ERICH6B: variants seen among roughly 807,000 people sequenced by gnomAD.
ERICH6B encodes the protein glutamate rich 6B, also known as glutamate-rich protein 6B.
ERICH6B carries 69 observed loss-of-function variants against 80.0 expected under a neutral mutation model. That is an observed-to-expected ratio of 0.86 (90% confidence interval 0.71 to 1.05). ERICH6B has a LOEUF of 1.05. ERICH6B is among the 50% of genes least tolerant of loss of function. The pLI is 0.00. For missense variants in ERICH6B, 754 were observed against 796.1 expected (o/e 0.95, Z 0.64); for synonymous variants, 283 against 291.9 (o/e 0.97, Z 0.31).
intron 2 of ERICH6B, among the ~76,000 whole-genome samples, chr13:45,601,785 G>A (rs1232670044): frequency 6.6e-6 from 1 of 152,144 alleles, no homozygotes; most frequent in African/African-American, 2.4e-5. Flanking sequence ...AAGCCTACAG[G>A]TGGAATAAAT....
intron 5 of ERICH6B, among the ~76,000 whole-genome samples, chr13:45,582,765 A>G (rs1269971434): frequency 6.6e-6 from 1 of 152,118 alleles, no homozygotes; most frequent in African/African-American, 2.4e-5. Context: ...ATATATCTCT[A>G]TCTTGTCCAG....
rs188392464 is a variant in ERICH6B at position 45,608,511 on chromosome 13, G to A, written c.-110-896C>T. 3.2e-4 allele frequency among the ~76,000 whole-genome samples: 48 copies of A among 152,298 alleles called. No homozygotes were observed. The East Asian group carries it at 4.4e-3, about 14-fold the overall frequency. ...CAAGATCCCTAAGCCACTGCCTTGAGAGAGAAATACTTTTGAACTGAGTCC... is the reference window on the plus strand; with the variant it reads ...CAAGATCCCTAAGCCACTGCCTTGAAAGAGAAATACTTTTGAACTGAGTCC... On this transcript the variant is annotated intron_variant, in intron 1 of 14. Coordinates refer to ENST00000298738, the MANE Select transcript of ERICH6B (RefSeq NM_182542.3).
At chr13:45,597,156 G>A (rs1326915648) in intron 2 of ERICH6B, 93 bp from the exon 3 acceptor site, 2 of 868,420 alleles carry the variant, frequency 2.3e-6, no homozygotes, top group African/African-American at 1.7e-5. Flanking sequence ...TCATTCAGTA[G>A]TCTTTGGAGG....
intron 14 of ERICH6B, among the ~76,000 whole-genome samples, chr13:45,544,338 G>C (rs1034469267): frequency 2.6e-5 from 4 of 152,162 alleles, no homozygotes; most frequent in Admixed American, 1.3e-4. Context: ...GCCCCTCAAA[G>C]TGCTGGGATT....
At chr13:45,608,938 C>A (rs1277478743) in intron 1 of ERICH6B, among the ~76,000 whole-genome samples, 2 of 152,148 alleles carry the variant, frequency 1.3e-5, no homozygotes, top group African/African-American at 2.4e-5. Flanking sequence ...CTTGGAGTCA[C>A]CCATGATTCC....
At chr13:45,610,091 G>A (rs984100955) in intron 1 of ERICH6B, among the ~76,000 whole-genome samples, 1 of 152,172 alleles carries the variant, frequency 6.6e-6, no homozygotes, top group Non-Finnish European at 1.5e-5. Context: ...CTGCTAAGGC[G>A]TAGACATAAA....
At chr13:45,577,684 G>A (rs1034996713) in intron 7 of ERICH6B, among the ~76,000 whole-genome samples, 7 of 152,024 alleles carry the variant, frequency 4.6e-5, no homozygotes, top group African/African-American at 1.7e-4. Context: ...TGTGATCATG[G>A]CTCACTGTTA....
chr13:45,568,181 G>C, intron 9 of ERICH6B, 134 bp downstream of exon 9: 1 of 994,214 alleles, frequency 1.0e-6, no homozygotes, highest in South Asian at 2.1e-5. Flanking sequence ...GCCTGTTCCT[G>C]CTCCTTGACT....
At chr13:45,553,398 C>T (rs900899566) in intron 11 of ERICH6B, among the ~76,000 whole-genome samples, 6 of 151,994 alleles carry the variant, frequency 3.9e-5, no homozygotes, top group Non-Finnish European at 5.9e-5. Context: ...GAATTCTTTG[C>T]CCAAAGAAAG....
chr13:45,541,537 G>C lies in ERICH6B; in HGVS notation c.2016C>G (p.Asn672Lys). The C allele has an allele frequency of 2.6e-6, 4 of 1,552,134 alleles. No individual in the cohort carries two copies. Among genetic ancestry groups the C allele is most frequent in the Non-Finnish European group, 3.5e-6 (4 of 1,147,088 alleles). The change falls in exon 15 of 15, where the codon AAC (asparagine) becomes AAG (lysine). Residue 672 changes from asparagine to lysine, a missense_variant. Physicochemically the swap from Asn to Lys is moderately conservative, Grantham distance 94. Coordinates refer to ENST00000298738, the MANE Select transcript of ERICH6B (RefSeq NM_182542.3). ...LNYATTPDLE[N>K]FIEAVSISLM... ...GTGATATACTGACGGCCTCTATGAA[G>C]TTTTCCAGATCAGGGGTGGTCGCGT...
At chr13:45,572,189 T>C (rs1341302353) in intron 8 of ERICH6B, among the ~76,000 whole-genome samples, 1 of 152,230 alleles carries the variant, frequency 6.6e-6, no homozygotes, top group Non-Finnish European at 1.5e-5. Context: ...ACCCTACAAA[T>C]GTACCCTTCT....
intron 7 of ERICH6B, among the ~76,000 whole-genome samples, chr13:45,575,766 C>A (rs967107413): frequency 6.6e-6 from 1 of 152,108 alleles, no homozygotes; most frequent in African/African-American, 2.4e-5. Context: ...ACTCTCGGGG[C>A]CAGGAGAGTG....
chr13:45,584,029 G>C (rs1875791147), intron 5 of ERICH6B, among the ~76,000 whole-genome samples: 1 of 152,158 alleles, frequency 6.6e-6, no homozygotes, highest in Non-Finnish European at 1.5e-5. Flanking sequence ...CTGGTTTTTT[G>C]TAGTAGGATA....
chr13:45,584,618 G>A (rs1055956659), intron 5 of ERICH6B, among the ~76,000 whole-genome samples: 3 of 152,204 alleles, frequency 2.0e-5, no homozygotes, highest in African/African-American at 7.2e-5. Context: ...TCAGGCAGGG[G>A]TTCTGATAAG....
intron 13 of ERICH6B, among the ~76,000 whole-genome samples, chr13:45,548,758 T>A (rs1874090697): frequency 6.6e-6 from 1 of 152,164 alleles, no homozygotes; most frequent in South Asian, 2.1e-4. Flanking sequence ...CCTTTGTGCT[T>A]TCTGTACCCA....
At chr13:45,585,252 G>C (rs1875851542) in intron 5 of ERICH6B, among the ~76,000 whole-genome samples, 1 of 152,158 alleles carries the variant, frequency 6.6e-6, no homozygotes, top group African/African-American at 2.4e-5. Flanking sequence ...ACCCTAGAAG[G>C]CTGCCATTGG....
At chr13:45,586,617 G>A (rs1257927989) in intron 5 of ERICH6B, among the ~76,000 whole-genome samples, 2 of 152,090 alleles carry the variant, frequency 1.3e-5, no homozygotes, top group Non-Finnish European at 2.9e-5. Context: ...CACTGAGACT[G>A]TCTGAGGTGG....
intron 13 of ERICH6B, 115 bp downstream of exon 13, chr13:45,549,778 T>C (rs1874138207): frequency 8.2e-7 from 1 of 1,215,550 alleles, no homozygotes; most frequent in Admixed American, 2.6e-5. Flanking sequence ...CATTCTCCCA[T>C]TTCCAACATG....
chr13:45,564,599 C>T (rs58429246), intron 9 of ERICH6B, among the ~76,000 whole-genome samples: 16,867 of 152,218 alleles, frequency 0.11, 2,705 homozygotes, highest in African/African-American at 0.35. Context: ...TGTTACCTAG[C>T]ACAGAGCAAT....
Sources: gnomAD v4.1 joint callset for allele counts (sites outside exome capture counted in the v4.1 genomes callset) on GRCh38, gnomAD v4.1.1 for gene constraint, MANE v1.5 for transcripts, NCBI Gene and HGNC (gene_info 2026-07-23, HGNC 2026-07-21) for gene names.